TENM3: variants seen among roughly 807,000 people sequenced by gnomAD.
The protein encoded by TENM3 is teneurin-3.
Under a neutral mutation model 255.1 loss-of-function variants are expected in TENM3, and 63 were observed. The observed-to-expected ratio is 0.25, with a 90% CI of 0.20 to 0.30. TENM3 has a LOEUF of 0.30. TENM3 is among the 10% of genes least tolerant of loss of function. The pLI, the probability that TENM3 is intolerant of heterozygous loss-of-function variation, is 1.00. For synonymous variants in TENM3, 1,306 were observed against 1,322.3 expected (o/e 0.99, Z 0.27); for missense variants, 2,929 against 3,461.1 (o/e 0.85, Z 3.86).
intron 4 of TENM3, among the ~76,000 whole-genome samples, chr4:182,612,859 TC>T (rs1386315693): frequency 1.3e-5 from 2 of 152,232 alleles, no homozygotes; most frequent in African/African-American, 4.8e-5. Flanking sequence ...CCCTTTTCAC[TC>T]TTTGAACTGA....
chr4:181,842,467 CAT>C, the TENM3 span, among the ~76,000 whole-genome samples: 1 of 152,176 alleles, frequency 6.6e-6, no homozygotes, highest in African/African-American at 2.4e-5. Context: ...ACCAATTCCC[CAT>C]ATATGAGTTT....
At chr4:182,134,763 A>T in the TENM3 span, among the ~76,000 whole-genome samples, 1 of 152,122 alleles carries the variant, frequency 6.6e-6, no homozygotes, top group African/African-American at 2.4e-5. Flanking sequence ...CATCAGGTAA[A>T]CTAAAAATCA....
the TENM3 span, among the ~76,000 whole-genome samples, chr4:181,573,442 C>T: frequency 2.6e-5 from 4 of 151,764 alleles, no homozygotes; most frequent in Non-Finnish European, 4.4e-5. Flanking sequence ...AAATATGAAT[C>T]TTGATGTTAA....
chr4:182,771,511 A>AGGC (rs1233466562), intron 22 of TENM3, among the ~76,000 whole-genome samples: 25 of 145,918 alleles, frequency 1.7e-4, no homozygotes, highest in Admixed American at 6.3e-4. Flanking sequence ...GGGGGGGGGA[A>AGGC]ATAGTACAAT....
At chr4:181,678,056 C>T in the TENM3 span, among the ~76,000 whole-genome samples, 1 of 152,036 alleles carries the variant, frequency 6.6e-6, no homozygotes, top group African/African-American at 2.4e-5. Flanking sequence ...ATTTTTTGCC[C>T]TCATTCAACA....
chr4:181,878,363 C>A, the TENM3 span, among the ~76,000 whole-genome samples: 1 of 151,818 alleles, frequency 6.6e-6, no homozygotes, highest in African/African-American at 2.4e-5. Flanking sequence ...GAGGGAGGAA[C>A]GGAATTGGGG....
intron 5 of TENM3, among the ~76,000 whole-genome samples, chr4:182,648,002 T>C (rs930828207): frequency 6.6e-6 from 1 of 152,228 alleles, no homozygotes; most frequent in Non-Finnish European, 1.5e-5. Flanking sequence ...AAGTTTGCAC[T>C]TCCTGAGATT....
At chr4:182,457,055 T>G (rs559602053) in intron 3 of TENM3, among the ~76,000 whole-genome samples, 1 of 151,754 alleles carries the variant, frequency 6.6e-6, no homozygotes, top group East Asian at 1.9e-4. Context: ...CGTGGTGACA[T>G]GCGCCTGTAA....
chr4:181,476,209 T>TTTTGG, the TENM3 span, among the ~76,000 whole-genome samples: 1 of 30,886 alleles, frequency 3.2e-5, no homozygotes, highest in Non-Finnish European at 5.4e-5. Context: ...TTTAGGGGTT[T>TTTTGG]TTTTTTTTTT....
the TENM3 span, among the ~76,000 whole-genome samples, chr4:181,718,828 A>G: frequency 2.0e-5 from 3 of 152,324 alleles, no homozygotes; most frequent in East Asian, 5.8e-4. Flanking sequence ...AGGAAACTGT[A>G]GCCCTTAGCT....
intron 3 of TENM3, among the ~76,000 whole-genome samples, chr4:182,555,441 T>TA (rs919823808): frequency 6.6e-6 from 1 of 152,236 alleles, no homozygotes; most frequent in Non-Finnish European, 1.5e-5. Flanking sequence ...GTGGATGCTT[T>TA]AAAATTTTTT....
At chr4:182,677,959 T>C (rs1424373825) in intron 7 of TENM3, among the ~76,000 whole-genome samples, 1 of 152,078 alleles carries the variant, frequency 6.6e-6, no homozygotes, top group Non-Finnish European at 1.5e-5. Context: ...TTTTCTTAAA[T>C]AGGCCTCTGA....
Position 182,675,582 on chromosome 4 carries a change from C to A in TENM3, c.1326+2363C>A, listed in dbSNP as rs115010006. ...AAAGCAGATTTTCTTAAGTGGAAGT[C>A]CTCTATAACTTCAATTATAGTAGAC... On this transcript the variant is annotated intron_variant, in intron 7 of 27. Coordinates refer to ENST00000511685, the MANE Select transcript of TENM3 (RefSeq NM_001080477.4). Among the ~76,000 whole-genome samples the A allele has an allele frequency of 4.7e-3, 719 of 151,656 alleles. 2 individuals carry two copies. Among genetic ancestry groups the A allele is most frequent in the African/African-American group, 0.016 (672 of 41,406 alleles).
At chr4:182,240,783 T>C (rs1757202977), upstream of TENM3, among the ~76,000 whole-genome samples, 1 of 152,082 alleles carries the variant, frequency 6.6e-6, no homozygotes, top group African/African-American at 2.4e-5. Context: ...AGGGAGACAG[T>C]AAGGGCCTGG....
the TENM3 span, among the ~76,000 whole-genome samples, chr4:181,727,388 A>T: frequency 6.6e-6 from 1 of 152,216 alleles, no homozygotes; most frequent in African/African-American, 2.4e-5. Context: ...GGAACCAAGG[A>T]TAAAAGACCA....
At chr4:182,456,268 C>T (rs2151358080) in intron 3 of TENM3, among the ~76,000 whole-genome samples, 1 of 152,286 alleles carries the variant, frequency 6.6e-6, no homozygotes, top group Non-Finnish European at 1.5e-5. Context: ...ACTGCTCTGT[C>T]ATCAAACAAC....
intron 5 of TENM3, among the ~76,000 whole-genome samples, chr4:182,650,889 A>AAAAAAAATATATATATATATAT (rs1281790163): frequency 1.0e-4 from 3 of 29,760 alleles, no homozygotes; most frequent in Admixed American, 3.6e-4. Context: ...AATAAAAAAA[A>AAAAAAAATATATATATATATAT]ATATATATAT....
chr4:181,598,734 T>TA, the TENM3 span, among the ~76,000 whole-genome samples: 3 of 152,090 alleles, frequency 2.0e-5, no homozygotes, highest in Admixed American at 2.0e-4. Flanking sequence ...TTACATCTTG[T>TA]AATAATACAG....
At chr4:182,483,390 TTGA>T (rs1734387380) in intron 3 of TENM3, among the ~76,000 whole-genome samples, 1 of 152,210 alleles carries the variant, frequency 6.6e-6, no homozygotes, top group Non-Finnish European at 1.5e-5. Flanking sequence ...AGCCAATGAC[TTGA>T]TGCTAGTTTG....
Sources: allele counts gnomAD v4.1 joint callset (sites outside exome capture counted in the v4.1 genomes callset), GRCh38; gene constraint gnomAD v4.1.1; transcripts MANE v1.5; gene names NCBI Gene and HGNC (gene_info 2026-07-23, HGNC 2026-07-21).